Variants in NPAT observed in about 807,000 individuals in gnomAD.
NPAT encodes the protein protein NPAT.
Under a neutral mutation model 130.7 loss-of-function variants are expected in NPAT, and 52 were observed. The ratio of observed to expected loss-of-function variants is 0.40; its 90% CI spans 0.32 to 0.50. The LOEUF is 0.50. Among genes scored for constraint, NPAT ranks in the 20% least tolerant of loss-of-function variants. The pLI, the probability that NPAT is intolerant of heterozygous loss-of-function variation, is 0.68. For synonymous variants in NPAT, 580 were observed against 584.8 expected, an observed-to-expected ratio of 0.99 and a Z score of 0.12; for missense variants, 1,687 against 1,662.6, an observed-to-expected ratio of 1.01 and a Z score of -0.26.
intron 1 of NPAT, among the ~76,000 whole-genome samples, chr11:108,203,838 CCTT>C (rs1247173379): frequency 1.3e-5 from 2 of 152,204 alleles, no homozygotes; most frequent in African/African-American, 4.8e-5. Flanking sequence ...CTATTTTGCT[CCTT>C]ATTTCTGTTA....
intron 11 of NPAT, 121 bp from the exon 12 acceptor site, chr11:108,176,495 A>T (rs1467710867): frequency 2.7e-6 from 2 of 750,060 alleles, no homozygotes; most frequent in Non-Finnish European, 4.5e-6. Flanking sequence ...ATGGATGTTT[A>T]AAAAATGTTG....
chr11:108,212,638 C>T (rs1395528850), intron 1 of NPAT, among the ~76,000 whole-genome samples: 1 of 151,132 alleles, frequency 6.6e-6, no homozygotes, highest in Non-Finnish European at 1.5e-5. Flanking sequence ...AAAACAACAA[C>T]AACAACAACA....
At chr11:108,168,521 T>C (rs1366335514) in intron 15 of NPAT, among the ~76,000 whole-genome samples, 1 of 152,226 alleles carries the variant, frequency 6.6e-6, no homozygotes, top group African/African-American at 2.4e-5. Context: ...TTGATAGCAG[T>C]TAGTTGAGTT....
chr11:108,205,850 C>T (rs2078320399), intron 1 of NPAT, among the ~76,000 whole-genome samples: 1 of 152,088 alleles, frequency 6.6e-6, no homozygotes, highest in Non-Finnish European at 1.5e-5. Context: ...TGAGACCAAC[C>T]TGGCCAACAC....
At chr11:108,206,116 C>T (rs1351698626) in intron 1 of NPAT, among the ~76,000 whole-genome samples, 1 of 152,208 alleles carries the variant, frequency 6.6e-6, no homozygotes, top group African/African-American at 2.4e-5. Context: ...TCTTCCCCAA[C>T]TCTGCTTAAA....
intron 1 of NPAT, among the ~76,000 whole-genome samples, chr11:108,215,907 T>C (rs1007084955): frequency 3.3e-5 from 5 of 152,230 alleles, no homozygotes; most frequent in African/African-American, 1.2e-4. Context: ...CTTCCTATCA[T>C]TGAACATCAA....
chr11:108,192,352 C>T (rs922225992), intron 3 of NPAT, among the ~76,000 whole-genome samples, 162 bp from the exon 4 acceptor site: 14 of 152,036 alleles, frequency 9.2e-5, no homozygotes, highest in African/African-American at 2.4e-4. Context: ...AGCTATAATG[C>T]GGTTGCTTTC....
At chr11:108,197,093 G>A (rs1007078386) in intron 2 of NPAT, among the ~76,000 whole-genome samples, 7 of 152,212 alleles carry the variant, frequency 4.6e-5, no homozygotes, top group African/African-American at 1.4e-4. Flanking sequence ...ACTAACTCTC[G>A]GAGTCAAAGT....
rs767118275 is a variant in NPAT at position 108,188,061 on chromosome 11, G to A, written c.638+37C>T. On this transcript the variant is annotated intron_variant, in intron 7 of 17. Transcript: ENST00000278612. ...GTAATTCTTTTTTTTTTTTTTTAAT[G>A]GATACGGGTAACTTGTCTCTTTTAA... The A allele has an allele frequency of 1.2e-5, 15 of 1,278,376 alleles. No individual in the cohort carries two copies. The South Asian group carries it at 1.8e-4, about 16-fold the overall frequency. The allele number at this position is 1,278,376 out of a possible 1,614,324, so 79.2% of individuals were successfully genotyped here.
intron 15 of NPAT, among the ~76,000 whole-genome samples, chr11:108,164,618 T>C (rs1461592211): frequency 6.6e-6 from 1 of 152,184 alleles, no homozygotes; most frequent in African/African-American, 2.4e-5. Flanking sequence ...TTGAGACACA[T>C]CACTGGCCTT....
chr11:108,162,864 G>C (rs2077865550), intron 15 of NPAT, among the ~76,000 whole-genome samples: 1 of 152,038 alleles, frequency 6.6e-6, no homozygotes. Flanking sequence ...TTCTGTCCCG[G>C]TACCTATCAT....
chr11:108,177,798 G>C (rs770433547), intron 10 of NPAT, among the ~76,000 whole-genome samples: 4 of 152,182 alleles, frequency 2.6e-5, no homozygotes, highest in Non-Finnish European at 5.9e-5. Flanking sequence ...ACAGTTCACT[G>C]CAGCCTTGAC....
intron 12 of NPAT, among the ~76,000 whole-genome samples, chr11:108,175,353 A>G (rs1445847115): frequency 6.6e-6 from 1 of 152,178 alleles, no homozygotes; most frequent in Non-Finnish European, 1.5e-5. Flanking sequence ...TCCCCCATAG[A>G]TAAGGGGGGA....
intron 4 of NPAT, among the ~76,000 whole-genome samples, chr11:108,191,437 G>C (rs1387020015): frequency 2.0e-5 from 3 of 152,094 alleles, no homozygotes; most frequent in Non-Finnish European, 4.4e-5. Flanking sequence ...AATATGTCAA[G>C]TAAGTCTCCA....
chr11:108,166,740 C>T (rs915100741), intron 15 of NPAT, among the ~76,000 whole-genome samples: 12 of 152,194 alleles, frequency 7.9e-5, no homozygotes, highest in African/African-American at 1.7e-4. Flanking sequence ...CTCTGCTCTT[C>T]TATCTTGGCT....
intron 1 of NPAT, among the ~76,000 whole-genome samples, chr11:108,199,931 C>T (rs550282738): frequency 1.7e-4 from 26 of 152,124 alleles, no homozygotes; most frequent in Non-Finnish European, 3.2e-4. Flanking sequence ...TCATACACAA[C>T]GTTAAGGGTG....
intron 10 of NPAT, among the ~76,000 whole-genome samples, chr11:108,182,185 C>T (rs1454077589): frequency 2.0e-5 from 3 of 152,148 alleles, no homozygotes; most frequent in Non-Finnish European, 2.9e-5. Context: ...GGCCAGTGTG[C>T]TTTTTCCCCT....
chr11:108,198,200 C>G (rs185967978), intron 1 of NPAT, among the ~76,000 whole-genome samples: 1 of 152,256 alleles, frequency 6.6e-6, no homozygotes, highest in Admixed American at 6.5e-5. Context: ...AAGACAACAA[C>G]AAACATGGAA....
At position 108,172,208 on chromosome 11, in the gene NPAT, A is replaced by G. The variant is rs776591591; in HGVS notation, c.2776T>C (p.Phe926Leu). 21 of 1,613,922 alleles carry G rather than the reference A, an allele frequency of 1.3e-5. No homozygotes were observed. The East Asian group carries it at 4.7e-4, about 36-fold the overall frequency. Residue 926 changes from phenylalanine to leucine, a missense_variant, in exon 13 of 18, where the codon TTT (phenylalanine) becomes CTT (leucine). Transcript: ENST00000278612. ...FAVNQAVSPN[F>L]SQGSAIIIAS... ...ATGTTATTAAAGTTACCTTGTGAAAAGTTTGGTGACACAGCTTGGTTGACA... is the reference window on the plus strand; with the variant it reads ...ATGTTATTAAAGTTACCTTGTGAAAGGTTTGGTGACACAGCTTGGTTGACA...
Sources: gnomAD v4.1 joint callset for allele counts (sites outside exome capture counted in the v4.1 genomes callset) on GRCh38, gnomAD v4.1.1 for gene constraint, MANE v1.5 for transcripts, NCBI Gene and HGNC (gene_info 2026-07-23, HGNC 2026-07-21) for gene names.